The following USP34 variants were observed in gnomAD, a reference collection of about 807,000 sequenced individuals.
USP34 encodes the protein ubiquitin specific peptidase 34.
USP34 carries 70 observed loss-of-function variants against 460.3 expected under a neutral mutation model. The observed-to-expected ratio is 0.15, with a 90% CI of 0.13 to 0.19. The LOEUF (loss-of-function observed/expected upper bound fraction) is 0.19. Among genes scored for constraint, USP34 ranks in the 10% least tolerant of loss-of-function variants. USP34 has a pLI of 1.00. For missense variants in USP34, 3,985 were observed against 4,236.2 expected, an observed-to-expected ratio of 0.94 and a Z score of 1.65; for synonymous variants, 1,647 against 1,405.3, an observed-to-expected ratio of 1.17 and a Z score of -3.85.
intron 29 of USP34, 110 bp downstream of exon 29, chr2:61,300,841 G>T (rs914081806): frequency 9.5e-5 from 64 of 670,886 alleles, no homozygotes; most frequent in African/African-American, 7.7e-4. Flanking sequence ...AAAAAGGAGA[G>T]AAAATTATTA....
intron 16 of USP34, 66 bp downstream of exon 16, chr2:61,343,749 A>C: frequency 1.4e-6 from 2 of 1,382,774 alleles, no homozygotes; most frequent in Non-Finnish European, 2.0e-6. Context: ...AGTCCTTTCA[A>C]CAAAGTAAGA....
chr2:61,198,978 T>A (rs1367563368), intron 75 of USP34, among the ~76,000 whole-genome samples: 1 of 152,198 alleles, frequency 6.6e-6, no homozygotes, highest in African/African-American at 2.4e-5. Flanking sequence ...CTTAACGTTC[T>A]TCATCATCTT....
At chr2:61,241,036 C>T (rs1022669157) in intron 53 of USP34, among the ~76,000 whole-genome samples, 6 of 151,902 alleles carry the variant, frequency 3.9e-5, no homozygotes, top group African/African-American at 1.2e-4. Context: ...TTCCCTCAAC[C>T]TTTCTGCCAC....
At chr2:61,349,200 A>C in intron 13 of USP34, 50 bp downstream of exon 13, 3 of 1,578,136 alleles carry the variant, frequency 1.9e-6, no homozygotes, top group Non-Finnish European at 2.6e-6. Flanking sequence ...CTAGAAAACC[A>C]CTATAAAAAA....
At chr2:61,324,351 C>T (rs1055386084) in intron 21 of USP34, among the ~76,000 whole-genome samples, 2 of 152,142 alleles carry the variant, frequency 1.3e-5, no homozygotes, top group African/African-American at 4.8e-5. Context: ...CTAAATAAAA[C>T]TGGGGCCTCT....
intron 5 of USP34, among the ~76,000 whole-genome samples, chr2:61,384,375 A>C (rs1008434186): frequency 6.6e-6 from 1 of 152,184 alleles, no homozygotes; most frequent in Admixed American, 6.5e-5. Context: ...AGGAGATACA[A>C]ATTAAAAAAT....
Position 61,222,257 on chromosome 2 carries a change from A to G in USP34, c.7794+362T>C, listed in dbSNP as rs568400385. On this transcript the variant is annotated intron_variant, in intron 65 of 79. Transcript: ENST00000398571. The stretch of plus-strand genomic sequence containing the variant: ...ATTTCCATTTTACAAAAATACTTTT[A>G]TATAACACTGCATTCTATTTTCTAT... Among the ~76,000 whole-genome samples the G allele has an allele frequency of 6.6e-5, 10 of 152,348 alleles. No individual in the cohort carries two copies. The East Asian group carries it at 1.9e-3, about 29-fold the overall frequency.
intron 1 of USP34, among the ~76,000 whole-genome samples, 180 bp downstream of exon 1, chr2:61,470,470 C>A (rs1695920004): frequency 1.3e-5 from 2 of 148,716 alleles, no homozygotes; most frequent in Admixed American, 1.3e-4. Context: ...GTAACCCGGC[C>A]GGGCTGGGCC....
chr2:61,342,647 G>C (rs748544266), intron 16 of USP34, among the ~76,000 whole-genome samples: 1 of 151,722 alleles, frequency 6.6e-6, no homozygotes, highest in African/African-American at 2.4e-5. Flanking sequence ...CTTTTATGTA[G>C]TATCTGATCA....
chr2:61,318,171 A>G (rs1036576788), intron 22 of USP34, among the ~76,000 whole-genome samples: 3 of 146,386 alleles, frequency 2.0e-5, no homozygotes, highest in Non-Finnish European at 4.5e-5. Context: ...CCAGCCTTGG[A>G]GACAGAGCAA....
chr2:61,466,136 T>A (rs183656979), intron 1 of USP34, among the ~76,000 whole-genome samples: 40 of 151,606 alleles, frequency 2.6e-4, no homozygotes, highest in Non-Finnish European at 5.0e-4. Flanking sequence ...CAATAATATA[T>A]GATACAAGCC....
At chr2:61,309,403 G>A (rs1282815032) in intron 27 of USP34, among the ~76,000 whole-genome samples, 1 of 152,114 alleles carries the variant, frequency 6.6e-6, no homozygotes, top group Non-Finnish European at 1.5e-5. Context: ...ATTACCAGAA[G>A]GATGATAAAA....
chr2:61,255,330 C>G (rs1688695757), intron 48 of USP34, among the ~76,000 whole-genome samples: 1 of 152,138 alleles, frequency 6.6e-6, no homozygotes, highest in Non-Finnish European at 1.5e-5. Flanking sequence ...TTACTAACTC[C>G]CAAATCTACC....
rs372138238 is a variant in USP34, at chr2:61,334,716, G to T, written c.2745-745C>A. 5.9e-5 allele frequency among the ~76,000 whole-genome samples: 9 copies of T among 152,058 alleles called. No individual in the cohort carries two copies. The East Asian group carries it at 9.6e-4, about 16-fold the overall frequency. On this transcript the variant is annotated intron_variant, in intron 18 of 79. Transcript: ENST00000398571. The stretch of plus-strand genomic sequence containing the variant: ...ATGTTTGACGTTAGAGAAATAAGAC[G>T]CCAGGCATTAAGTGGTTATTGACTG...
chr2:61,312,070 A>G (rs1003447230), intron 25 of USP34, among the ~76,000 whole-genome samples, 160 bp from the exon 26 acceptor site: 3 of 152,340 alleles, frequency 2.0e-5, no homozygotes, highest in South Asian at 2.1e-4. Flanking sequence ...GATTCATCAT[A>G]CTGAATCAAA....
At chr2:61,470,313 C>A (rs570088192) in intron 1 of USP34, among the ~76,000 whole-genome samples, 1 of 152,184 alleles carries the variant, frequency 6.6e-6, no homozygotes, top group African/African-American at 2.4e-5. Flanking sequence ...CCGCACCTTC[C>A]CGGCAGGGCG....
chr2:61,293,101 G>T (rs1010676370), intron 33 of USP34, among the ~76,000 whole-genome samples: 1 of 151,666 alleles, frequency 6.6e-6, no homozygotes, highest in African/African-American at 2.4e-5. Context: ...AGGAAGAAAT[G>T]ATCACAACAA....
intron 8 of USP34, among the ~76,000 whole-genome samples, chr2:61,375,956 C>T (rs1692787815): frequency 6.6e-6 from 1 of 151,702 alleles, no homozygotes; most frequent in South Asian, 2.1e-4. Flanking sequence ...TGAAAAGAAG[C>T]CAGAAGAAAA....
At chr2:61,276,927 A>G (rs1689390312) in intron 41 of USP34, among the ~76,000 whole-genome samples, 1 of 152,230 alleles carries the variant, frequency 6.6e-6, no homozygotes, top group Non-Finnish European at 1.5e-5. Flanking sequence ...CACATTCAGT[A>G]ACTTTAAGGT....
Sources: allele counts gnomAD v4.1 joint callset (sites outside exome capture counted in the v4.1 genomes callset), GRCh38; gene constraint gnomAD v4.1.1; transcripts MANE v1.5; gene names NCBI Gene and HGNC (gene_info 2026-07-23, HGNC 2026-07-21).